The following SNRPD2 variants were observed in gnomAD, a reference collection of about 807,000 sequenced individuals.
The protein encoded by SNRPD2 is small nuclear ribonucleoprotein D2 polypeptide.
A neutral mutation model predicts 11.5 loss-of-function variants in SNRPD2; 1 was observed. That is an observed-to-expected ratio of 0.09 (90% CI 0.03 to 0.41). The LOEUF (loss-of-function observed/expected upper bound fraction) is 0.41, where lower values mean the gene tolerates loss of function less well. SNRPD2 is among the 10% of genes least tolerant of loss of function. SNRPD2 has a pLI of 0.98. For missense variants in SNRPD2, 77 were observed against 154.9 expected, an observed-to-expected ratio of 0.50 and a Z score of 2.67; for synonymous variants, 63 against 61.5, an observed-to-expected ratio of 1.02 and a Z score of -0.12.
upstream of SNRPD2, chr19:45,692,041 T>A: frequency 6.3e-7 from 1 of 1,586,114 alleles, no homozygotes; most frequent in Non-Finnish European, 8.6e-7. Context: ...TGCCACAGCA[T>A]TCCCCACCAA....
chr19:45,690,488 CAAACA>C (rs10611704), intron 1 of SNRPD2: 36,634 of 151,192 alleles, frequency 0.24, 4,614 homozygotes, highest in East Asian at 0.41. Flanking sequence ...CCATCTCAAA[CAAACA>C]AAACAAAAGA....
In SNRPD2 at chr19:45,688,610, T is replaced by C. The variant is rs1236153395; in HGVS notation, c.3-44A>G. 6.5e-7 allele frequency: 1 copy of C among 1,532,478 alleles called. No homozygotes were observed. Among genetic ancestry groups the C allele is most frequent in the East Asian group, 2.2e-5 (1 of 44,528 alleles). 94.9% of individuals were successfully genotyped at this position (1,532,478 alleles called of 1,614,324 possible). A position where few individuals can be genotyped will look rare whatever the true frequency, so the allele number is the denominator to read the frequency against. ...AACCAATAAGTGAGAGAGGCTGGAG[T>C]TGAGAGGCTGGAGCTGTGAGGATGG... On this transcript the variant is annotated intron_variant, in intron 1 of 2. Transcript: ENST00000342669. This position sits in a 1 kb window ranked among gnomAD's most constrained non-coding sequence, Gnocchi z 4.1.
At chr19:45,690,845 A>AG (rs1005565151) in intron 1 of SNRPD2, among the ~76,000 whole-genome samples, 1 of 151,860 alleles carries the variant, frequency 6.6e-6, no homozygotes, top group Non-Finnish European at 1.5e-5. Context: ...AAAAAAAAAA[A>AG]AAAGAAAAAG....
chr19:45,691,858 C>T (rs773627149), intron 1 of SNRPD2, 29 bp downstream of exon 1: 2 of 1,613,940 alleles, frequency 1.2e-6, no homozygotes, highest in African/African-American at 1.3e-5. Flanking sequence ...CAACCTCATT[C>T]CCGCCGCCTA....
rs148822511 is a variant in SNRPD2 at position 45,691,631 on chromosome 19, A to G, written c.2+256T>C. 1,139 of 533,434 alleles carry G rather than the reference A, an allele frequency of 2.1e-3. 13 individuals carry two copies. In the East Asian group the frequency reaches 0.034, roughly 16 times the overall value. 33.0% of individuals were successfully genotyped at this position (533,434 alleles called of 1,614,324 possible). A position where few individuals can be genotyped will look rare whatever the true frequency, so the allele number is the denominator to read the frequency against. ...CAGCGATGCTCCGCCTTGGCCTACT[A>G]AAGTGCTGGGATCACAGGAATGAGC... is the stretch of plus-strand genomic sequence containing the variant. On this transcript the variant is annotated intron_variant, in intron 1 of 2. Transcript: ENST00000342669.
In SNRPD2 at chr19:45,688,649, T is replaced by A; in HGVS notation, c.3-83A>T. The A allele has an allele frequency of 9.6e-7, 1 of 1,036,330 alleles. No homozygotes were observed. The highest frequency in any genetic ancestry group is 1.4e-5 in the South Asian group (1 of 73,250). The allele number at this position is 1,036,330 out of a possible 1,614,324, so 64.2% of individuals were successfully genotyped here. On this transcript the variant is annotated intron_variant, in intron 1 of 2. Transcript: ENST00000342669. This position sits in a 1 kb window ranked among gnomAD's most constrained non-coding sequence, Gnocchi z 4.1. ...CTGTGAGGATGGGTGATCAGGGCCT[T>A]GGCTTCAGTGTCTCCCCAACCTTGT...
At chr19:45,691,769 T>G in intron 1 of SNRPD2, 118 bp downstream of exon 1, 3 of 1,263,380 alleles carry the variant, frequency 2.4e-6, no homozygotes, top group Non-Finnish European at 3.5e-6. Flanking sequence ...AGCAGGACGC[T>G]GCATCCCTAA....
At chr19:45,689,680 C>T (rs753576244) in intron 1 of SNRPD2, among the ~76,000 whole-genome samples, 4 of 152,172 alleles carry the variant, frequency 2.6e-5, no homozygotes, top group African/African-American at 4.8e-5. Flanking sequence ...CCACTGCACT[C>T]CAGCCTGGGT....
Position 45,687,539 on chromosome 19 carries a change from C to T in SNRPD2, c.*14G>A, listed in dbSNP as rs756757143. 2 of 1,612,938 alleles carry T rather than the reference C, an allele frequency of 1.2e-6. No homozygotes were observed. The highest frequency in any genetic ancestry group is 1.7e-5 in the Admixed American group (1 of 60,010). On this transcript the variant is annotated 3_prime_UTR_variant, in exon 3 of 3. Coordinates refer to ENST00000342669, the MANE Select transcript of SNRPD2 (RefSeq NM_001384647.1). The surrounding 1 kb of genome is among the most constrained non-coding windows in gnomAD (Gnocchi z 4.1). ...AGGACAGAGGAGTGAGTTCTGTCAA[C>T]AGACAGGCGGCCCCTACTTGCCGGC...
chr19:45,690,326 T>A (rs1419098315), intron 1 of SNRPD2, among the ~76,000 whole-genome samples: 1 of 91,194 alleles, frequency 1.1e-5, no homozygotes, highest in African/African-American at 4.0e-5. Context: ...CGAGACTCCG[T>A]CTCAAAAAAA....
At chr19:45,691,255 C>G (rs1381788626) in intron 1 of SNRPD2, among the ~76,000 whole-genome samples, 1 of 152,010 alleles carries the variant, frequency 6.6e-6, no homozygotes, top group African/African-American at 2.4e-5. Context: ...CTCAGCCTCC[C>G]GAATAGCTGC....
chr19:45,691,811 A>T, intron 1 of SNRPD2, 76 bp downstream of exon 1: 1 of 1,548,982 alleles, frequency 6.5e-7, no homozygotes, highest in Admixed American at 1.7e-5. Context: ...CGCTCTGCTC[A>T]ACCCTTCCCA....
upstream of SNRPD2, chr19:45,691,991 G>A: frequency 1.2e-6 from 2 of 1,611,736 alleles, no homozygotes; most frequent in South Asian, 1.1e-5. Flanking sequence ...TTCCGTTGGC[G>A]CCTGCGCAAA....
chr19:45,690,831 CAAAAAAAAA>C (rs34253731), intron 1 of SNRPD2, among the ~76,000 whole-genome samples: 1 of 87,432 alleles, frequency 1.1e-5, no homozygotes, highest in Admixed American at 1.4e-4. Context: ...GGCTCCGTCT[CAAAAAAAAA>C]AAAAAAAAGA....
In SNRPD2 at chr19:45,688,038, A is replaced by G. The variant is rs957986921; in HGVS notation, c.183-311T>C. On this transcript the variant is annotated intron_variant, in intron 2 of 2. Transcript: ENST00000342669. This position sits in a 1 kb window ranked among gnomAD's most constrained non-coding sequence, Gnocchi z 4.1. ...ATCTCACTCTGTTGCCCAGGCTGCA[A>G]TGCAGTGGTGCGATTTCAGCTCACC... Among the ~76,000 whole-genome samples, 1 of 152,170 alleles carries G rather than the reference A, an allele frequency of 6.6e-6. No homozygotes were observed. Among genetic ancestry groups the G allele is most frequent in the African/African-American group, 2.4e-5 (1 of 41,440 alleles).
rs1482067144 is a variant in SNRPD2 at position 45,688,222 on chromosome 19, ATCTACCCGCCTTGCCTTCCCAAAGTGCTG to A, written c.182+136_182+164del. Among the ~76,000 whole-genome samples the A allele has an allele frequency of 1.3e-5, 2 of 152,092 alleles. No individual in the cohort carries two copies. Among genetic ancestry groups the A allele is most frequent in the Non-Finnish European group, 2.9e-5 (2 of 68,010 alleles). On this transcript the variant is annotated intron_variant, in intron 2 of 2. Transcript: ENST00000342669. This position sits in a 1 kb window ranked among gnomAD's most constrained non-coding sequence, Gnocchi z 4.1. ...GGTCTTGAACTCCTGACCTCAGGTGATCTACCCGCCTTGCCTTCCCAAAGTGCTGGGATTACAGGCATGAGCCACCACGC... is the reference window on the plus strand; with the variant it reads ...GGTCTTGAACTCCTGACCTCAGGTGAGGATTACAGGCATGAGCCACCACGC...
At chr19:45,690,187 C>T (rs369434270) in intron 1 of SNRPD2, among the ~76,000 whole-genome samples, 7 of 151,022 alleles carry the variant, frequency 4.6e-5, no homozygotes, top group African/African-American at 7.3e-5. Flanking sequence ...AAAAATTAGC[C>T]GGGCGAGGTG....
chr19:45,690,405 G>A (rs1375734134), intron 1 of SNRPD2, among the ~76,000 whole-genome samples: 2 of 151,636 alleles, frequency 1.3e-5, no homozygotes, highest in Admixed American at 1.3e-4. Context: ...GAAGGCTGAG[G>A]CAGGAAGATC....
At position 45,691,535 on chromosome 19, in the gene SNRPD2, A is replaced by AT. The variant is rs764452913; in HGVS notation, c.2+351_2+352insA. 3.9e-3 allele frequency: 903 copies of AT among 232,604 alleles called. 7 individuals carry two copies. Among genetic ancestry groups the AT allele is most frequent in the Non-Finnish European group, 5.6e-3 (687 of 122,918 alleles). 14.4% of individuals were successfully genotyped at this position (232,604 alleles called of 1,614,324 possible). On this transcript the variant is annotated intron_variant, in intron 1 of 2. Transcript: ENST00000342669. ...GTTTAAAACATGTTTTTCATAATTAAATTTTTTTTTTTTTTTGTAGAGACG... is the reference window on the plus strand; with the variant it reads ...GTTTAAAACATGTTTTTCATAATTAATATTTTTTTTTTTTTTTGTAGAGACG...
Sources: gnomAD v4.1 joint callset for allele counts (sites outside exome capture counted in the v4.1 genomes callset) on GRCh38, gnomAD v4.1.1 for gene constraint, Gnocchi (gnomAD v3.1) non-coding constraint, MANE v1.5 for transcripts, NCBI Gene and HGNC (gene_info 2026-07-23, HGNC 2026-07-21) for gene names.